TRIM37: variants seen among roughly 807,000 people sequenced by gnomAD.
TRIM37 encodes tripartite motif containing 37, also known as E3 ubiquitin-protein ligase TRIM37.
TRIM37 carries 80 observed loss-of-function variants against 129.8 expected under a neutral mutation model. The ratio of observed to expected loss-of-function variants is 0.62; its 90% confidence interval spans 0.51 to 0.74. The LOEUF is 0.74. Among genes scored for constraint, TRIM37 ranks in the 30% least tolerant of loss-of-function variants. TRIM37 has a pLI of 0.00. For missense variants in TRIM37, 1,054 were observed against 1,176.5 expected, an observed-to-expected ratio of 0.90 and a Z score of 1.52; for synonymous variants, 389 against 387.1, an observed-to-expected ratio of 1.00 and a Z score of -0.06.
chr17:59,066,352 T>G (rs1465070546), intron 9 of TRIM37, among the ~76,000 whole-genome samples: 1 of 152,228 alleles, frequency 6.6e-6, no homozygotes, highest in Non-Finnish European at 1.5e-5. Flanking sequence ...CAATCCCCAG[T>G]TGCCTGCTAA....
At position 59,106,538 on chromosome 17, in the gene TRIM37, G is replaced by A. The variant is rs1240133452; in HGVS notation, c.-77C>T. 1 of 1,573,976 alleles carries A rather than the reference G, an allele frequency of 6.4e-7. No homozygotes were observed. The highest frequency in any genetic ancestry group is 8.7e-7 in the Non-Finnish European group (1 of 1,151,090). ...ACCTCTTAGGCGCCGGCCCGAGGTCGCCAGATCAAATCGCCGATAAAAGCC... is the reference window on the plus strand; with the variant it reads ...ACCTCTTAGGCGCCGGCCCGAGGTCACCAGATCAAATCGCCGATAAAAGCC... On this transcript the variant is annotated 5_prime_UTR_variant, in exon 1 of 24. Coordinates refer to ENST00000262294, the MANE Select transcript of TRIM37 (RefSeq NM_015294.6).
chr17:58,978,728 A>G (rs1469525142), downstream of TRIM37, among the ~76,000 whole-genome samples: 3 of 152,080 alleles, frequency 2.0e-5, no homozygotes, highest in African/African-American at 7.2e-5. Context: ...GTGAATTGAG[A>G]GTCCCTTGTT....
At chr17:59,104,442 C>G in intron 1 of TRIM37, 48 bp from the exon 2 acceptor site, 1 of 1,551,928 alleles carries the variant, frequency 6.4e-7, no homozygotes, top group South Asian at 1.1e-5. Flanking sequence ...GCTACTGAAT[C>G]AAGAGTAAAA....
chr17:59,058,957 G>A (rs2041225540), intron 12 of TRIM37, among the ~76,000 whole-genome samples: 1 of 152,132 alleles, frequency 6.6e-6, no homozygotes, highest in Non-Finnish European at 1.5e-5. Context: ...AGACAAAGAA[G>A]ATAGCCTATA....
At chr17:58,969,388 G>A in the TRIM37 span, 6 of 776,886 alleles carry the variant, frequency 7.7e-6, no homozygotes, top group Non-Finnish European at 1.4e-5. Context: ...AGTTGATCAG[G>A]CATGTTAGAG....
chr17:58,971,558 T>A, the TRIM37 span, among the ~76,000 whole-genome samples: 63 of 152,186 alleles, frequency 4.1e-4, no homozygotes, highest in African/African-American at 1.4e-3. Flanking sequence ...GGAAGGATAT[T>A]TTTTTAAAGG....
intron 8 of TRIM37, 140 bp from the exon 9 acceptor site, chr17:59,071,087 A>C: frequency 3.1e-6 from 3 of 964,806 alleles, no homozygotes; most frequent in Non-Finnish European, 4.6e-6. Context: ...GAGAATTAAG[A>C]ATGTACAAAG....
rs34467573 is a variant in TRIM37, at chr17:59,075,563, CAAAAAAAAAAA to C, written c.684+73_684+83del. The C allele has an allele frequency of 3.7e-5, 18 of 491,490 alleles. No homozygotes were observed. In the East Asian group the frequency reaches 6.9e-4, roughly 19 times the overall value. 30.4% of individuals were successfully genotyped at this position (491,490 alleles called of 1,614,324 possible). ...TGGGCGACAGAGAGAGACTCCATCT[CAAAAAAAAAAA>C]AAAAAAAAAACAACTACAGTATACA... On this transcript the variant is annotated intron_variant, in intron 8 of 23. Coordinates refer to ENST00000262294, the MANE Select transcript of TRIM37 (RefSeq NM_015294.6).
At chr17:59,096,304 T>C (rs1166057390) in intron 2 of TRIM37, among the ~76,000 whole-genome samples, 1 of 150,688 alleles carries the variant, frequency 6.6e-6, no homozygotes, top group Admixed American at 6.6e-5. Flanking sequence ...GTAATCTCAA[T>C]ACTTTGGGAG....
chr17:59,057,101 A>C, intron 12 of TRIM37, 47 bp from the exon 13 acceptor site: 1 of 1,555,792 alleles, frequency 6.4e-7, no homozygotes, highest in Non-Finnish European at 8.8e-7. Context: ...TAAAGTAAGA[A>C]TAAAAAACAA....
intron 22 of TRIM37, 77 bp downstream of exon 22, chr17:59,012,251 C>A: frequency 1.1e-6 from 1 of 949,138 alleles, no homozygotes; most frequent in Non-Finnish European, 1.7e-6. Context: ...ACCACCACCA[C>A]CACCACCCAC....
chr17:58,981,553 A>G (rs2031356044), downstream of TRIM37: 1 of 152,844 alleles, frequency 6.5e-6, no homozygotes, highest in Non-Finnish European at 1.5e-5. Flanking sequence ...ACTAAAAGCC[A>G]TATGGATTTT....
chr17:59,071,594 G>A (rs1049694922), intron 8 of TRIM37, among the ~76,000 whole-genome samples: 12 of 151,994 alleles, frequency 7.9e-5, no homozygotes, highest in African/African-American at 2.9e-4. Context: ...CAAGGTGAAA[G>A]CTTTTAAAAG....
intron 22 of TRIM37, among the ~76,000 whole-genome samples, chr17:59,004,367 T>C (rs1225472224): frequency 3.3e-5 from 5 of 151,228 alleles, no homozygotes; most frequent in African/African-American, 1.2e-4. Context: ...AGAGAAAATA[T>C]CTCAAATCAA....
At chr17:59,072,356 T>C (rs1472071356) in intron 8 of TRIM37, among the ~76,000 whole-genome samples, 2 of 152,228 alleles carry the variant, frequency 1.3e-5, no homozygotes, top group Non-Finnish European at 1.5e-5. Context: ...TCAAATGCCA[T>C]ATGAATGATA....
chr17:59,019,657 G>C (rs1018473865), intron 19 of TRIM37, among the ~76,000 whole-genome samples: 1 of 151,818 alleles, frequency 6.6e-6, no homozygotes, highest in African/African-American at 2.4e-5. Context: ...GCAGTGAGCC[G>C]AGATTGTGCC....
intron 9 of TRIM37, among the ~76,000 whole-genome samples, chr17:59,069,614 T>C (rs1038127520): frequency 6.6e-6 from 1 of 152,154 alleles, no homozygotes; most frequent in Non-Finnish European, 1.5e-5. Context: ...CCCCTCATCA[T>C]AGAATAAGCT....
intron 5 of TRIM37, among the ~76,000 whole-genome samples, chr17:59,081,757 T>C (rs1366186558): frequency 6.6e-6 from 1 of 150,608 alleles, no homozygotes; most frequent in Non-Finnish European, 1.5e-5. Flanking sequence ...AAATACAAAA[T>C]GTAGCCACGC....
downstream of TRIM37, chr17:58,998,131 A>T: frequency 1.3e-6 from 1 of 784,062 alleles, no homozygotes; most frequent in Non-Finnish European, 1.5e-6. Context: ...GATCTTCTCT[A>T]CACTACTAAT....
Sources: gnomAD v4.1 joint callset for allele counts (sites outside exome capture counted in the v4.1 genomes callset) on GRCh38, gnomAD v4.1.1 for gene constraint, MANE v1.5 for transcripts, NCBI Gene and HGNC (gene_info 2026-07-23, HGNC 2026-07-21) for gene names.